MTMR7: variants seen among roughly 807,000 people sequenced by gnomAD.
MTMR7 encodes the protein myotubularin related protein 7.
In MTMR7, 76 loss-of-function variants were observed where a neutral mutation model predicts 81.2. The observed-to-expected ratio is 0.94, with a 90% CI of 0.78 to 1.13. MTMR7 has a LOEUF of 1.13. Among genes scored for constraint, MTMR7 ranks in the 50% most tolerant of loss-of-function variants. The pLI is 0.00. For missense variants in MTMR7, 1,044 were observed against 820.0 expected, an observed-to-expected ratio of 1.27 and a Z score of -3.34; for synonymous variants, 372 against 289.8, an observed-to-expected ratio of 1.28 and a Z score of -2.88.
At chr8:17,338,137 C>T (rs1021392754) in intron 6 of MTMR7, among the ~76,000 whole-genome samples, 9 of 152,156 alleles carry the variant, frequency 5.9e-5, no homozygotes, top group African/African-American at 1.2e-4. Context: ...TTAAAACTCA[C>T]GTGAAGTGTG....
At chr8:17,350,370 G>C (rs983136713) in intron 4 of MTMR7, among the ~76,000 whole-genome samples, 3 of 152,210 alleles carry the variant, frequency 2.0e-5, no homozygotes, top group African/African-American at 7.2e-5. Flanking sequence ...CATGGCAAAA[G>C]GTGAAGGAGG....
intron 6 of MTMR7, among the ~76,000 whole-genome samples, chr8:17,335,633 CTT>C (rs1819213768): frequency 6.6e-6 from 1 of 152,214 alleles, no homozygotes; most frequent in South Asian, 2.1e-4. Flanking sequence ...AAATGACGGT[CTT>C]TCTCTCTCCC....
intron 5 of MTMR7, among the ~76,000 whole-genome samples, chr8:17,348,723 T>G (rs1819637793): frequency 6.6e-6 from 1 of 152,044 alleles, no homozygotes; most frequent in Non-Finnish European, 1.5e-5. Flanking sequence ...TTTCTGAATC[T>G]ATTGAGTCAT....
intron 5 of MTMR7, among the ~76,000 whole-genome samples, chr8:17,344,245 A>C (rs2150544711): frequency 1.3e-5 from 2 of 152,298 alleles, no homozygotes; most frequent in East Asian, 3.9e-4. Context: ...GTATTTCCTG[A>C]TCCTGAATTC....
chr8:17,311,625 C>A lies in MTMR7; in HGVS notation c.987G>T (p.Glu329Asp). 6.2e-7 allele frequency: 1 copy of A among 1,614,116 alleles called. No individual in the cohort carries two copies. Among genetic ancestry groups the A allele is most frequent in the Non-Finnish European group, 8.5e-7 (1 of 1,180,018 alleles). Residue 329 changes from glutamate to aspartate, a missense_variant, in exon 9 of 14, where the codon GAG (glutamate) becomes GAT (aspartate). Coordinates refer to ENST00000180173, the MANE Select transcript of MTMR7 (RefSeq NM_004686.5). The part of the protein sequence containing the change: ...AGIFIAKAVS[E>D]EGASVLVHCS... ...AGTGAACAAGCACACTTGCCCCTTC[C>A]TCTGACACTGCCTAGAAAACACACG...
At chr8:17,372,308 C>A (rs900026155) in intron 2 of MTMR7, among the ~76,000 whole-genome samples, 1 of 152,158 alleles carries the variant, frequency 6.6e-6, no homozygotes, top group South Asian at 2.1e-4. Context: ...AGGCCACACA[C>A]GGTGGCTCAT....
At chr8:17,404,142 G>T (rs11996741) in intron 1 of MTMR7, among the ~76,000 whole-genome samples, 1 of 152,200 alleles carries the variant, frequency 6.6e-6, no homozygotes, top group African/African-American at 2.4e-5. Flanking sequence ...GTGGGGGAGT[G>T]GCAAAAATGG....
intron 1 of MTMR7, among the ~76,000 whole-genome samples, chr8:17,411,774 T>C (rs557876322): frequency 1.3e-5 from 2 of 152,336 alleles, no homozygotes; most frequent in African/African-American, 4.8e-5. Context: ...TTGTACCAGG[T>C]GGCTTTGTAT....
intron 1 of MTMR7, among the ~76,000 whole-genome samples, chr8:17,376,531 C>T (rs1455302176): frequency 2.6e-5 from 4 of 152,180 alleles, no homozygotes; most frequent in Non-Finnish European, 5.9e-5. Context: ...TCCAAAGCAG[C>T]TGTGCCATTT....
At chr8:17,324,723 C>T (rs997528421) in intron 7 of MTMR7, among the ~76,000 whole-genome samples, 7 of 152,174 alleles carry the variant, frequency 4.6e-5, no homozygotes, top group East Asian at 1.9e-4. Flanking sequence ...CCATGTAGAG[C>T]GACCTATTTC....
At chr8:17,373,649 A>C (rs921184874) in intron 1 of MTMR7, among the ~76,000 whole-genome samples, 2 of 152,224 alleles carry the variant, frequency 1.3e-5, no homozygotes, top group African/African-American at 4.8e-5. Flanking sequence ...ACATTTTCCT[A>C]TGTGTTTCTA....
chr8:17,307,955 T>G (rs1817567226), intron 10 of MTMR7, among the ~76,000 whole-genome samples: 1 of 151,868 alleles, frequency 6.6e-6, no homozygotes, highest in South Asian at 2.1e-4. Context: ...AGTTAATGGG[T>G]GCAGCACACC....
chr8:17,298,740 A>G lies in MTMR7; in HGVS notation c.*1122T>C, dbSNP rs548527001. The G allele has an allele frequency of 1.3e-5, 2 of 152,702 alleles. No homozygotes were observed. Among genetic ancestry groups the G allele is most frequent in the African/African-American group, 4.8e-5 (2 of 41,578 alleles). The allele number at this position is 152,702 out of a possible 1,614,324, so 9.5% of individuals were successfully genotyped here. A position where few individuals can be genotyped will look rare whatever the true frequency, so the allele number is the denominator to read the frequency against. On this transcript the variant is annotated 3_prime_UTR_variant, in exon 14 of 14. Transcript: ENST00000180173. ...TGGCCACTTTTCCCCACTAAGTTTAATTTAGGTCACCTAGTGAAGTCTTTT... is the reference window on the plus strand; with the variant it reads ...TGGCCACTTTTCCCCACTAAGTTTAGTTTAGGTCACCTAGTGAAGTCTTTT...
chr8:17,404,289 A>G (rs763595972), intron 1 of MTMR7, among the ~76,000 whole-genome samples: 1 of 152,182 alleles, frequency 6.6e-6, no homozygotes, highest in Admixed American at 6.5e-5. Flanking sequence ...GGATAACTCC[A>G]AAGTTATTGG....
chr8:17,320,407 T>C (rs912241656), intron 7 of MTMR7, among the ~76,000 whole-genome samples: 1 of 151,874 alleles, frequency 6.6e-6, no homozygotes, highest in African/African-American at 2.4e-5. Flanking sequence ...AAGGGTATGT[T>C]TTTTTTTGTA....
At chr8:17,385,612 C>T (rs1327173282) in intron 1 of MTMR7, among the ~76,000 whole-genome samples, 1 of 152,146 alleles carries the variant, frequency 6.6e-6, no homozygotes, top group Non-Finnish European at 1.5e-5. Context: ...ATTACCCAAT[C>T]GCGGGTATGT....
At chr8:17,356,541 C>A (rs549269247) in intron 4 of MTMR7, among the ~76,000 whole-genome samples, 4 of 151,882 alleles carry the variant, frequency 2.6e-5, no homozygotes, top group African/African-American at 9.7e-5. Context: ...TCTACTACTA[C>A]TACTAATAAT....
intron 1 of MTMR7, among the ~76,000 whole-genome samples, chr8:17,401,887 C>T (rs1485556793): frequency 3.9e-5 from 6 of 152,058 alleles, no homozygotes; most frequent in African/African-American, 1.4e-4. Context: ...GATCCAGGTA[C>T]TATGAATCTT....
intron 7 of MTMR7, among the ~76,000 whole-genome samples, chr8:17,327,863 ACT>A (rs550598523): frequency 7.6e-4 from 116 of 152,320 alleles, no homozygotes; most frequent in African/African-American, 2.6e-3. Flanking sequence ...ATTTCAACTT[ACT>A]GTTTACTCTT....
Sources: gnomAD v4.1 joint callset for allele counts (sites outside exome capture counted in the v4.1 genomes callset) on GRCh38, gnomAD v4.1.1 for gene constraint, MANE v1.5 for transcripts, NCBI Gene and HGNC (gene_info 2026-07-23, HGNC 2026-07-21) for gene names.